TCAIM: variants seen among roughly 807,000 people sequenced by gnomAD.
TCAIM encodes T-cell activation inhibitor, mitochondrial.
Under a neutral mutation model 58.6 loss-of-function variants are expected in TCAIM, and 36 were observed. The ratio of observed to expected loss-of-function variants is 0.61; its 90% CI spans 0.47 to 0.81. The LOEUF (loss-of-function observed/expected upper bound fraction) is 0.81, where lower values mean the gene tolerates loss of function less well. TCAIM is among the 30% of genes least tolerant of loss of function. The probability of loss-of-function intolerance (pLI) is 0.00; values close to 1 mark genes in which losing one functional copy is unlikely to be tolerated. For missense variants in TCAIM, 466 were observed against 579.6 expected, an observed-to-expected ratio of 0.80 and a Z score of 2.01; for synonymous variants, 172 against 193.6, an observed-to-expected ratio of 0.89 and a Z score of 0.93.
At chr3:44,394,948 A>G (rs1266745341) in intron 6 of TCAIM, among the ~76,000 whole-genome samples, 3 of 109,858 alleles carry the variant, frequency 2.7e-5, no homozygotes, top group African/African-American at 6.6e-5. Context: ...ATATATATAT[A>G]TATATATATA....
At chr3:44,340,366 G>A (rs1262308548) in intron 1 of TCAIM, 2 of 152,138 alleles carry the variant, frequency 1.3e-5, no homozygotes, top group African/African-American at 4.8e-5. Context: ...GATAAAATTG[G>A]GTTCTGTTCT....
chr3:44,398,977 A>G (rs1701982294), intron 8 of TCAIM, among the ~76,000 whole-genome samples: 1 of 152,218 alleles, frequency 6.6e-6, no homozygotes. Flanking sequence ...ATAAAATGAT[A>G]GAAAGGAAGG....
intron 3 of TCAIM, 29 bp downstream of exon 3, chr3:44,357,905 A>C (rs761128595): frequency 1.7e-5 from 27 of 1,607,652 alleles, no homozygotes; most frequent in Non-Finnish European, 2.3e-5. Flanking sequence ...TTAAACCATT[A>C]GTGTACATTT....
At chr3:44,372,005 A>G (rs1701478349) in intron 5 of TCAIM, among the ~76,000 whole-genome samples, 1 of 141,316 alleles carries the variant, frequency 7.1e-6, no homozygotes, top group African/African-American at 2.7e-5. Flanking sequence ...AGAGAGAGAA[A>G]GAGAGAAGGA....
intron 5 of TCAIM, among the ~76,000 whole-genome samples, chr3:44,371,846 A>G (rs1426545713): frequency 6.6e-6 from 1 of 152,158 alleles, no homozygotes; most frequent in Non-Finnish European, 1.5e-5. Flanking sequence ...ATCTCTATCA[A>G]TTTCTCATTT....
intron 8 of TCAIM, among the ~76,000 whole-genome samples, chr3:44,397,445 T>C (rs1043884385): frequency 8.5e-5 from 13 of 152,202 alleles, no homozygotes; most frequent in Admixed American, 8.5e-4. Flanking sequence ...GATTCATCCA[T>C]GTGGTTGCAT....
chr3:44,340,473 G>T (rs1054293889), intron 1 of TCAIM: 9 of 152,102 alleles, frequency 5.9e-5, no homozygotes, highest in Non-Finnish European at 8.8e-5. Context: ...TAGAATTTTG[G>T]TTTTTTTAAT....
At chr3:44,405,999 C>T (rs1702095133) in intron 10 of TCAIM, among the ~76,000 whole-genome samples, 1 of 151,776 alleles carries the variant, frequency 6.6e-6, no homozygotes, top group Non-Finnish European at 1.5e-5. Flanking sequence ...TGCAGAGGCA[C>T]CCAAGGATGA....
intron 5 of TCAIM, among the ~76,000 whole-genome samples, chr3:44,373,021 T>G (rs1328644066): frequency 6.6e-6 from 1 of 152,206 alleles, no homozygotes; most frequent in Non-Finnish European, 1.5e-5. Context: ...CAAAATAATT[T>G]TATCTGTTTT....
chr3:44,387,460 G>A (rs752017267), intron 5 of TCAIM, among the ~76,000 whole-genome samples: 16 of 152,280 alleles, frequency 1.1e-4, no homozygotes, highest in Non-Finnish European at 2.1e-4. Context: ...GGGACCCCAC[G>A]GTTCCTGGTG....
intron 3 of TCAIM, among the ~76,000 whole-genome samples, chr3:44,360,693 ACTCCTGGGCTTAAGTGATC>A (rs1701282515): frequency 6.6e-6 from 1 of 151,566 alleles, no homozygotes; most frequent in Admixed American, 6.6e-5. Flanking sequence ...GCAGCCTCGA[ACTCCTGGGCTTAAGTGATC>A]CTCCTACCTC....
chr3:44,403,004 C>A (rs1490710188), intron 10 of TCAIM, among the ~76,000 whole-genome samples: 2 of 152,146 alleles, frequency 1.3e-5, no homozygotes, highest in Non-Finnish European at 2.9e-5. Flanking sequence ...TATGGTGGCT[C>A]ACACCTTTAA....
At chr3:44,405,951 CAAAAAA>C (rs10579882) in intron 10 of TCAIM, among the ~76,000 whole-genome samples, 2 of 113,038 alleles carry the variant, frequency 1.8e-5, no homozygotes, top group African/African-American at 6.8e-5. Context: ...GACTCCATCT[CAAAAAA>C]AAAAAAAAAA....
intron 3 of TCAIM, 132 bp from the exon 4 acceptor site, chr3:44,361,233 C>G: frequency 2.7e-6 from 2 of 743,464 alleles, no homozygotes; most frequent in East Asian, 3.1e-5. Flanking sequence ...TACCAAAGAG[C>G]TATGAAATCC....
intron 5 of TCAIM, among the ~76,000 whole-genome samples, chr3:44,386,641 C>A (rs78607461): frequency 6.6e-6 from 1 of 152,246 alleles, no homozygotes; most frequent in African/African-American, 2.4e-5. Context: ...AAGTGCAGAG[C>A]AAATTTGTGG....
chr3:44,387,262 G>A (rs527627484), intron 5 of TCAIM, among the ~76,000 whole-genome samples: 8 of 152,288 alleles, frequency 5.3e-5, no homozygotes. Context: ...CCTGAGAGCT[G>A]TTCTATCACT....
intron 10 of TCAIM, 41 bp downstream of exon 10, chr3:44,401,375 C>A (rs1167718868): frequency 1.2e-6 from 2 of 1,609,042 alleles, no homozygotes; most frequent in South Asian, 2.2e-5. Context: ...ATCATTCAGT[C>A]TAACTGAAAA....
At chr3:44,358,513 T>C (rs1701241469) in intron 3 of TCAIM, 1 of 462,224 alleles carries the variant, frequency 2.2e-6, no homozygotes, top group South Asian at 3.6e-5. Context: ...CTTGTCATTA[T>C]TCCCTGAACA....
chr3:44,379,201 T>A (rs775718452), intron 5 of TCAIM, among the ~76,000 whole-genome samples: 6 of 149,822 alleles, frequency 4.0e-5, no homozygotes, highest in Non-Finnish European at 7.4e-5. Context: ...AAAAAAAAAA[T>A]TAATTAATAA....
Sources: allele counts gnomAD v4.1 joint callset (sites outside exome capture counted in the v4.1 genomes callset), GRCh38; gene constraint gnomAD v4.1.1; transcripts MANE v1.5; gene names NCBI Gene and HGNC (gene_info 2026-07-23, HGNC 2026-07-21).